RYR3: variants seen among roughly 807,000 people sequenced by gnomAD.
RYR3 encodes the protein ryanodine receptor 3.
RYR3 carries 207 observed loss-of-function variants against 584.3 expected under a neutral mutation model. The observed-to-expected ratio is 0.35, with a 90% CI of 0.32 to 0.40. The LOEUF is 0.40. Among genes scored for constraint, RYR3 ranks in the 10% least tolerant of loss-of-function variants. RYR3 has a pLI of 1.00. For synonymous variants in RYR3, 2,416 were observed against 2,248.5 expected (o/e 1.07, Z -2.11); for missense variants, 5,616 against 6,089.2 (o/e 0.92, Z 2.59).
chr15:33,321,405 C>A (rs955752501), intron 1 of RYR3, among the ~76,000 whole-genome samples: 12 of 152,226 alleles, frequency 7.9e-5, no homozygotes, highest in African/African-American at 2.9e-4. Flanking sequence ...TTACTCCCTC[C>A]TCTCTATCAA....
At chr15:33,635,240 A>G (rs1382400439) in intron 25 of RYR3, among the ~76,000 whole-genome samples, 1 of 152,178 alleles carries the variant, frequency 6.6e-6, no homozygotes, top group African/African-American at 2.4e-5. Context: ...TTGAAGTCCA[A>G]TCTGGGTTTA....
chr15:33,628,966 TC>T (rs1004895363), intron 21 of RYR3, among the ~76,000 whole-genome samples: 3 of 152,188 alleles, frequency 2.0e-5, no homozygotes, highest in Non-Finnish European at 4.4e-5. Context: ...AAATCATTTT[TC>T]AGAGAGAATG....
At chr15:33,558,769 G>A (rs1233895467) in intron 10 of RYR3, among the ~76,000 whole-genome samples, 4 of 152,144 alleles carry the variant, frequency 2.6e-5, no homozygotes, top group Non-Finnish European at 5.9e-5. Context: ...ATTCAGGTAT[G>A]ATGAAGCCAA....
At chr15:33,438,345 C>T (rs2045918734) in intron 1 of RYR3, among the ~76,000 whole-genome samples, 1 of 152,146 alleles carries the variant, frequency 6.6e-6, no homozygotes. Flanking sequence ...TGGTAACCAC[C>T]ATTCCACTCA....
chr15:33,341,321 G>T (rs1971790932), intron 1 of RYR3, among the ~76,000 whole-genome samples: 1 of 152,130 alleles, frequency 6.6e-6, no homozygotes, highest in African/African-American at 2.4e-5. Flanking sequence ...TTACAGGCAT[G>T]AGCCACTGCG....
chr15:33,695,274 T>C (rs753619519), intron 38 of RYR3, among the ~76,000 whole-genome samples: 1 of 152,194 alleles, frequency 6.6e-6, no homozygotes, highest in Non-Finnish European at 1.5e-5. Context: ...AAGCAGTGCC[T>C]TCCCGGCCAT....
chr15:33,604,742 G>A (rs953883279), intron 18 of RYR3, among the ~76,000 whole-genome samples: 1 of 152,148 alleles, frequency 6.6e-6, no homozygotes, highest in African/African-American at 2.4e-5. Context: ...TTCTCATAGT[G>A]TTATCATGGA....
intron 75 of RYR3, among the ~76,000 whole-genome samples, 167 bp from the exon 76 acceptor site, chr15:33,818,411 C>T (rs2076932798): frequency 6.6e-6 from 1 of 152,182 alleles, no homozygotes; most frequent in Non-Finnish European, 1.5e-5. Flanking sequence ...AAACCTCGCA[C>T]CTTTAGGGCT....
intron 38 of RYR3, among the ~76,000 whole-genome samples, chr15:33,692,737 G>C (rs370898903): frequency 6.6e-6 from 1 of 151,834 alleles, no homozygotes; most frequent in African/African-American, 2.4e-5. Context: ...GGTGTTTGCT[G>C]CTTCATGCTT....
rs904778183 is a variant in RYR3 at position 33,788,342 on chromosome 15, C to T, written c.9714C>T (p.Ala3238=). The T allele has an allele frequency of 8.1e-5, 131 of 1,613,808 alleles. 1 individual carries two copies. The East Asian group carries it at 2.7e-3, about 34-fold the overall frequency. The change falls in exon 67 of 104, where the codon GCC becomes GCT. Residue 3238 remains alanine, a synonymous_variant. Coordinates refer to ENST00000634891, the MANE Select transcript of RYR3 (RefSeq NM_001036.6). ...KTVQEEEQLK[A]DGKGDTQEAE... The stretch of plus-strand genomic sequence containing the variant: ...TGCAGGAGGAGGAGCAGTTGAAAGC[C>T]GATGGCAAAGGGGACACCCAGGAGG...
chr15:33,706,191 C>T (rs967944563), intron 42 of RYR3, among the ~76,000 whole-genome samples: 8 of 151,796 alleles, frequency 5.3e-5, no homozygotes, highest in Non-Finnish European at 5.9e-5. Flanking sequence ...TTCTTACATA[C>T]GTGTAAGATT....
At chr15:33,430,343 T>A (rs2045029000) in intron 1 of RYR3, among the ~76,000 whole-genome samples, 1 of 152,176 alleles carries the variant, frequency 6.6e-6, no homozygotes, top group Non-Finnish European at 1.5e-5. Flanking sequence ...AATCGGCACA[T>A]CGAGGCTATA....
intron 43 of RYR3, among the ~76,000 whole-genome samples, chr15:33,713,530 G>T (rs534310398): frequency 2.0e-5 from 2 of 100,132 alleles, no homozygotes; most frequent in African/African-American, 6.3e-5. Flanking sequence ...GAGGGTTGTG[G>T]TGAGGATAAC....
intron 16 of RYR3, among the ~76,000 whole-genome samples, chr15:33,594,302 T>C (rs1382694665): frequency 1.3e-5 from 2 of 152,216 alleles, no homozygotes; most frequent in Non-Finnish European, 2.9e-5. Context: ...CTGATTCTTA[T>C]TGTACTTATG....
At chr15:33,770,269 G>T (rs1232947616) in intron 62 of RYR3, among the ~76,000 whole-genome samples, 3 of 152,138 alleles carry the variant, frequency 2.0e-5, no homozygotes, top group Non-Finnish European at 4.4e-5. Context: ...ACTGAGAATG[G>T]CTATAAAAAA....
chr15:33,688,411 A>C (rs539650648), intron 38 of RYR3, among the ~76,000 whole-genome samples: 94 of 152,004 alleles, frequency 6.2e-4, no homozygotes, highest in Non-Finnish European at 1.1e-3. Flanking sequence ...GTCTCTACTA[A>C]AAATACAAAA....
chr15:33,495,088 T>G (rs1430632772), intron 2 of RYR3, among the ~76,000 whole-genome samples: 1 of 152,242 alleles, frequency 6.6e-6, no homozygotes, highest in East Asian at 1.9e-4. Flanking sequence ...TGCCTAAGTT[T>G]ATAAAATATA....
At chr15:33,846,367 A>G (rs1365840041) in intron 93 of RYR3, among the ~76,000 whole-genome samples, 4 of 152,194 alleles carry the variant, frequency 2.6e-5, no homozygotes, top group Admixed American at 2.6e-4. Context: ...GAATTCCAGG[A>G]GGCGTGGTTC....
At chr15:33,860,205 GTT>G (rs1407440380) in intron 100 of RYR3, among the ~76,000 whole-genome samples, 1 of 152,232 alleles carries the variant, frequency 6.6e-6, no homozygotes, top group African/African-American at 2.4e-5. Context: ...ACATGCAGGT[GTT>G]GAGGGCTAAG....
Sources: gnomAD v4.1 joint callset for allele counts (sites outside exome capture counted in the v4.1 genomes callset) on GRCh38, gnomAD v4.1.1 for gene constraint, MANE v1.5 for transcripts, NCBI Gene and HGNC (gene_info 2026-07-23, HGNC 2026-07-21) for gene names.